PTPRA: variants seen among roughly 807,000 people sequenced by gnomAD.
PTPRA encodes the protein receptor-type tyrosine-protein phosphatase alpha.
Under a neutral mutation model 104.8 loss-of-function variants are expected in PTPRA, and 25 were observed. That is an observed-to-expected ratio of 0.24 (90% CI 0.17 to 0.33). The LOEUF (loss-of-function observed/expected upper bound fraction) is 0.33. Among genes scored for constraint, PTPRA ranks in the 10% least tolerant of loss-of-function variants. PTPRA has a pLI of 1.00. For missense variants in PTPRA, 765 were observed against 1,015.3 expected (o/e 0.75, Z 3.35); for synonymous variants, 323 against 368.9 (o/e 0.88, Z 1.43).
chr20:3,020,930 A>C (rs910874029), intron 13 of PTPRA, among the ~76,000 whole-genome samples: 2 of 152,266 alleles, frequency 1.3e-5, no homozygotes, highest in African/African-American at 4.8e-5. Context: ...GCCCCCTCAT[A>C]GCAGACTGCT....
At chr20:3,029,121 T>G (rs2065290206) in intron 20 of PTPRA, among the ~76,000 whole-genome samples, 1 of 135,062 alleles carries the variant, frequency 7.4e-6, no homozygotes, top group African/African-American at 3.0e-5. Context: ...TCAGGATTTT[T>G]TTTTTTTTTT....
At chr20:2,989,302 A>G (rs1004986705) in intron 9 of PTPRA, among the ~76,000 whole-genome samples, 42 of 151,908 alleles carry the variant, frequency 2.8e-4, no homozygotes, top group African/African-American at 9.4e-4. Flanking sequence ...GCGTGGTGGC[A>G]TGTGCCTGTA....
At chr20:2,970,631 T>C (rs1220015338) in intron 5 of PTPRA, among the ~76,000 whole-genome samples, 1 of 152,236 alleles carries the variant, frequency 6.6e-6, no homozygotes, top group Non-Finnish European at 1.5e-5. Context: ...GCAAATGTTG[T>C]TCCCTAGGTG....
chr20:2,969,608 AC>A (rs2062087005), intron 5 of PTPRA, among the ~76,000 whole-genome samples: 1 of 128,878 alleles, frequency 7.8e-6, no homozygotes, highest in African/African-American at 2.9e-5. Flanking sequence ...TAATCCCAGC[AC>A]TTTGGGAGGC....
At chr20:3,003,661 AGTAGCT>A (rs2063732032) in intron 9 of PTPRA, among the ~76,000 whole-genome samples, 1 of 147,128 alleles carries the variant, frequency 6.8e-6, no homozygotes, top group Non-Finnish European at 1.5e-5. Flanking sequence ...CAGCCTTCTG[AGTAGCT>A]GGGACTACAG....
intron 2 of PTPRA, among the ~76,000 whole-genome samples, chr20:2,927,466 T>C (rs1568656824): frequency 6.6e-6 from 1 of 152,216 alleles, no homozygotes; most frequent in South Asian, 2.1e-4. Flanking sequence ...TTGCCTGTTA[T>C]TATAGTTTCA....
At chr20:2,968,873 C>G (rs982083072) in intron 5 of PTPRA, among the ~76,000 whole-genome samples, 5 of 151,922 alleles carry the variant, frequency 3.3e-5, no homozygotes, top group Non-Finnish European at 5.9e-5. Context: ...TGTGATCGCA[C>G]CACCGTACTC....
intron 5 of PTPRA, among the ~76,000 whole-genome samples, chr20:2,970,805 C>CGT (rs10616041): frequency 0.029 from 4,330 of 149,692 alleles, 78 homozygotes; most frequent in Non-Finnish European, 0.04. Context: ...TCTATGGTTT[C>CGT]GTGTGTGTGT....
rs114978936 is a variant in PTPRA at position 2,906,488 on chromosome 20, C to T, written c.-128-16719C>T. On this transcript the variant is annotated intron_variant, in intron 1 of 23. Coordinates refer to ENST00000399903, the MANE Select transcript of PTPRA (RefSeq NM_001385305.1). ...GAAGTAGAATCAAGGGTAATACGTA[C>T]GTTCTGATATAACAAGAGAGAAAAC... Among the ~76,000 whole-genome samples the T allele has an allele frequency of 2.3e-3, 351 of 152,192 alleles. 3 individuals carry two copies. The highest frequency in any genetic ancestry group is 8.0e-3 in the African/African-American group (332 of 41,528).
At chr20:2,888,097 G>A (rs556559) in intron 1 of PTPRA, among the ~76,000 whole-genome samples, 28,184 of 152,156 alleles carry the variant, frequency 0.19, 3,886 homozygotes, top group African/African-American at 0.39. Flanking sequence ...AGCTCAGGGA[G>A]ACTATACCTG....
rs541537299 is a variant in PTPRA, at chr20:2,976,619, C to G, written c.442+1378C>G. Among the ~76,000 whole-genome samples the G allele has an allele frequency of 2.0e-5, 3 of 152,276 alleles. No individual in the cohort carries two copies. The East Asian group carries it at 5.8e-4, about 29-fold the overall frequency. On this transcript the variant is annotated intron_variant, in intron 6 of 23. Transcript: ENST00000399903. ...ATTTTGTGTAATTCCAAACAGGAAA[C>G]TGAAAAGGCATAGGTATTCTCAGCA...
rs2064954155 is a variant in PTPRA at position 3,022,985 on chromosome 20, G to GAAAA, written c.1464+163_1464+166dup. Among the ~76,000 whole-genome samples the GAAAA allele has an allele frequency of 1.3e-5, 2 of 152,316 alleles. No individual in the cohort carries two copies. The highest frequency in any genetic ancestry group is 2.1e-4 in the South Asian group (1 of 4,830). On this transcript the variant is annotated intron_variant, in intron 16 of 23. Transcript: ENST00000399903. This position sits in a 1 kb window ranked among gnomAD's most constrained non-coding sequence, Gnocchi z 4.6. ...ATCACACTGTTACCGTGTCTATGTA[G>GAAAA]AAAAAGGAAGACACGAGAAACTCCA...
intron 3 of PTPRA, among the ~76,000 whole-genome samples, chr20:2,957,177 C>T (rs1448791713): frequency 3.3e-4 from 50 of 152,120 alleles, no homozygotes; most frequent in Non-Finnish European, 2.8e-4. Context: ...CCCAGCTACT[C>T]GGAAGGCTGA....
chr20:2,977,244 C>T lies in PTPRA; in HGVS notation c.442+2003C>T, dbSNP rs540465530. Among the ~76,000 whole-genome samples, 90 of 148,616 alleles carry T rather than the reference C, an allele frequency of 6.1e-4. 1 individual carries two copies. The highest frequency in any genetic ancestry group is 2.8e-3 in the Admixed American group (42 of 14,784). On this transcript the variant is annotated intron_variant, in intron 6 of 23. Coordinates refer to ENST00000399903, the MANE Select transcript of PTPRA (RefSeq NM_001385305.1). ...TGAGCCAAGATCGCGCTCTTGGCTG[C>T]GATCCAGACTGCACTCCAGCCTGGG...
At chr20:2,987,570 A>C (rs550169808) in intron 7 of PTPRA, among the ~76,000 whole-genome samples, 2 of 152,196 alleles carry the variant, frequency 1.3e-5, no homozygotes, top group Admixed American at 1.3e-4. Flanking sequence ...TGCCCCCTAT[A>C]ATTTGTCATG....
rs1052158159 is a variant in PTPRA at position 3,035,381 on chromosome 20, A to G, written c.1921-204A>G. ...GTCAGAGTCCTTTACAGACCCCGGC[A>G]GTGTTTTAGATGGTCTCTGGTGAGG... is the stretch of plus-strand genomic sequence containing the variant. On this transcript the variant is annotated intron_variant, in intron 20 of 23. Coordinates refer to ENST00000399903, the MANE Select transcript of PTPRA (RefSeq NM_001385305.1). The surrounding 1 kb of genome is among the most constrained non-coding windows in gnomAD (Gnocchi z 5.8). Among the ~76,000 whole-genome samples, 1 of 152,196 alleles carries G rather than the reference A, an allele frequency of 6.6e-6. No homozygotes were observed. The highest frequency in any genetic ancestry group is 1.5e-5 in the Non-Finnish European group (1 of 68,026).
intron 11 of PTPRA, among the ~76,000 whole-genome samples, chr20:3,010,279 C>T (rs1026564020): frequency 6.6e-5 from 10 of 152,128 alleles, no homozygotes; most frequent in Admixed American, 3.9e-4. Flanking sequence ...ATCCTTAGCC[C>T]TGTCAACAGT....
At chr20:2,977,745 A>G (rs1309097294) in intron 6 of PTPRA, among the ~76,000 whole-genome samples, 1 of 146,954 alleles carries the variant, frequency 6.8e-6, no homozygotes, top group Non-Finnish European at 1.5e-5. Flanking sequence ...TTCAGTACCT[A>G]TTAAGCATCA....
intron 2 of PTPRA, among the ~76,000 whole-genome samples, chr20:2,934,304 A>T (rs1016594548): frequency 1.3e-5 from 2 of 151,868 alleles, no homozygotes; most frequent in Non-Finnish European, 2.9e-5. Flanking sequence ...ATATTTCACC[A>T]TGTTGCTGAG....
Sources: gnomAD v4.1 joint callset for allele counts (sites outside exome capture counted in the v4.1 genomes callset) on GRCh38, gnomAD v4.1.1 for gene constraint, Gnocchi (gnomAD v3.1) non-coding constraint, MANE v1.5 for transcripts, NCBI Gene and HGNC (gene_info 2026-07-23, HGNC 2026-07-21) for gene names.